STPG2: variants seen among roughly 807,000 people sequenced by gnomAD.
STPG2 encodes the protein sperm-tail PG-rich repeat-containing protein 2.
STPG2 carries 56 observed loss-of-function variants against 54.2 expected under a neutral mutation model. That is an observed-to-expected ratio of 1.03 (90% CI 0.83 to 1.29). The LOEUF is 1.29. Among genes scored for constraint, STPG2 ranks in the 50% most tolerant of loss-of-function variants. The pLI is 0.00. For missense variants in STPG2, 596 were observed against 544.9 expected, an observed-to-expected ratio of 1.09 and a Z score of -0.93; for synonymous variants, 200 against 181.8, an observed-to-expected ratio of 1.10 and a Z score of -0.81.
intron 10 of STPG2, among the ~76,000 whole-genome samples, chr4:97,583,854 A>G (rs565342417): frequency 6.6e-6 from 1 of 152,040 alleles, no homozygotes; most frequent in Admixed American, 6.6e-5. Context: ...TGCACCTAAC[A>G]TGGGAGCTCC....
chr4:98,066,921 T>C (rs1332130678), intron 5 of STPG2, among the ~76,000 whole-genome samples: 1 of 152,220 alleles, frequency 6.6e-6, no homozygotes, highest in Non-Finnish European at 1.5e-5. Flanking sequence ...AAATATATAA[T>C]ATGTATTCAG....
intron 5 of STPG2, among the ~76,000 whole-genome samples, chr4:97,991,362 G>GGTGTATATATATATGTATATATAT (rs1381707991): frequency 1.4e-5 from 2 of 146,154 alleles, no homozygotes; most frequent in Middle Eastern, 4.0e-3. Context: ...ATGTGTGTGT[G>GGTGTATATATATATGTATATATAT]GTGTATATAT....
At chr4:98,065,570 T>C (rs1737808879) in intron 5 of STPG2, among the ~76,000 whole-genome samples, 1 of 152,116 alleles carries the variant, frequency 6.6e-6, no homozygotes, top group Non-Finnish European at 1.5e-5. Context: ...ACAAATAAGA[T>C]ATTAACTTAT....
chr4:97,969,972 A>C (rs896075538), intron 7 of STPG2, among the ~76,000 whole-genome samples: 3 of 152,242 alleles, frequency 2.0e-5, no homozygotes, highest in Admixed American at 6.5e-5. Context: ...CTCTGGATAC[A>C]AAATCAATGT....
At chr4:97,456,007 T>C (rs1729507988) in intron 4 of STPG2, among the ~76,000 whole-genome samples, 1 of 152,096 alleles carries the variant, frequency 6.6e-6, no homozygotes, top group African/African-American at 2.4e-5. Context: ...TACAACAATA[T>C]CAAAGGCATA....
chr4:97,467,257 T>C (rs969514473), intron 4 of STPG2, among the ~76,000 whole-genome samples: 2 of 152,008 alleles, frequency 1.3e-5, no homozygotes, highest in African/African-American at 2.4e-5. Flanking sequence ...AAGAGGTTTA[T>C]CATTTGATAA....
At chr4:97,747,770 A>G (rs1725465126) in intron 9 of STPG2, among the ~76,000 whole-genome samples, 1 of 151,414 alleles carries the variant, frequency 6.6e-6, no homozygotes, top group South Asian at 2.1e-4. Flanking sequence ...TATAAATTTA[A>G]AAGTTAGGGC....
intron 7 of STPG2, among the ~76,000 whole-genome samples, chr4:97,965,795 TAACA>T (rs1157730255): frequency 2.0e-5 from 3 of 151,930 alleles, no homozygotes; most frequent in Non-Finnish European, 2.9e-5. Flanking sequence ...AAAGGAAAAC[TAACA>T]AACAAAAAGG....
intron 5 of STPG2, among the ~76,000 whole-genome samples, chr4:98,018,699 T>A (rs1736060184): frequency 6.6e-6 from 1 of 151,138 alleles, no homozygotes; most frequent in African/African-American, 2.4e-5. Flanking sequence ...GACTTTTGAA[T>A]GACTGCCATT....
intron 5 of STPG2, among the ~76,000 whole-genome samples, chr4:98,097,837 G>T (rs1480994123): frequency 1.3e-5 from 2 of 151,964 alleles, no homozygotes; most frequent in African/African-American, 4.8e-5. Flanking sequence ...TGAACAATCT[G>T]AAGAAGAAAT....
chr4:97,832,808 G>A (rs988216720), intron 9 of STPG2, among the ~76,000 whole-genome samples: 1 of 152,158 alleles, frequency 6.6e-6, no homozygotes, highest in African/African-American at 2.4e-5. Flanking sequence ...GACAAGAAAT[G>A]TGAAGGACTT....
At chr4:97,565,993 G>A (rs1031699528) in intron 10 of STPG2, among the ~76,000 whole-genome samples, 14 of 152,138 alleles carry the variant, frequency 9.2e-5, no homozygotes, top group East Asian at 5.8e-4. Context: ...TTAAGTCTGC[G>A]GAGGTTACTG....
chr4:98,142,879 T>C (rs1440947100), intron 1 of STPG2, among the ~76,000 whole-genome samples, 163 bp downstream of exon 1: 2 of 152,240 alleles, frequency 1.3e-5, no homozygotes, highest in Admixed American at 6.5e-5. Context: ...ATCAGTCTCA[T>C]CTGTAAAATA....
chr4:98,011,352 G>A (rs1169450949), intron 5 of STPG2, among the ~76,000 whole-genome samples: 16 of 152,034 alleles, frequency 1.1e-4, no homozygotes, highest in Admixed American at 2.0e-4. Context: ...TTTTTATCCA[G>A]TCTATAATTG....
At chr4:98,091,776 A>G (rs1009320665) in intron 5 of STPG2, among the ~76,000 whole-genome samples, 2 of 152,154 alleles carry the variant, frequency 1.3e-5, no homozygotes, top group East Asian at 1.9e-4. Context: ...GTATATACAT[A>G]TATATTCAGA....
At chr4:97,781,207 G>C (rs1043153956) in intron 9 of STPG2, among the ~76,000 whole-genome samples, 4 of 152,066 alleles carry the variant, frequency 2.6e-5, no homozygotes, top group Admixed American at 6.6e-5. Context: ...GAAGAAAAGA[G>C]AGAAGAATCA....
chr4:97,914,078 T>G (rs1283382724), intron 8 of STPG2, among the ~76,000 whole-genome samples: 1 of 152,138 alleles, frequency 6.6e-6, no homozygotes, highest in African/African-American at 2.4e-5. Flanking sequence ...TGCAATACAA[T>G]CAAACCTTTG....
chr4:97,992,117 T>C (rs1363374553), intron 5 of STPG2, among the ~76,000 whole-genome samples: 2 of 152,154 alleles, frequency 1.3e-5, no homozygotes, highest in South Asian at 2.1e-4. Flanking sequence ...ATCCCATCCA[T>C]TTATCTTTGT....
chr4:97,492,748 C>T (rs568594416), intron 4 of STPG2, among the ~76,000 whole-genome samples: 2 of 150,760 alleles, frequency 1.3e-5, no homozygotes, highest in Non-Finnish European at 3.0e-5. Flanking sequence ...GTATAGGATA[C>T]TAAATTGAAT....
Sources: gnomAD v4.1 joint callset for allele counts (sites outside exome capture counted in the v4.1 genomes callset) on GRCh38, gnomAD v4.1.1 for gene constraint, MANE v1.5 for transcripts, NCBI Gene and HGNC (gene_info 2026-07-23, HGNC 2026-07-21) for gene names.